The following KCTD8 variants were observed in gnomAD, a reference collection of about 807,000 sequenced individuals.
The protein encoded by KCTD8 is BTB/POZ domain-containing protein KCTD8.
Under a neutral mutation model 31.5 loss-of-function variants are expected in KCTD8, and 27 were observed. The observed-to-expected ratio is 0.86, with a 90% CI of 0.63 to 1.18. The LOEUF (loss-of-function observed/expected upper bound fraction) is 1.18, where lower values mean the gene tolerates loss of function less well. KCTD8 is among the 50% of genes most tolerant of loss of function. The pLI is 0.00. For synonymous variants in KCTD8, 290 were observed against 280.0 expected, an observed-to-expected ratio of 1.04 and a Z score of -0.36; for missense variants, 658 against 647.7, an observed-to-expected ratio of 1.02 and a Z score of -0.17.
chr4:44,363,097 G>T (rs920911961), intron 1 of KCTD8, among the ~76,000 whole-genome samples: 1 of 151,998 alleles, frequency 6.6e-6, no homozygotes, highest in African/African-American at 2.4e-5. Context: ...TAACCAAGGA[G>T]CTGGAGGAAT....
intron 1 of KCTD8, among the ~76,000 whole-genome samples, chr4:44,304,471 C>A (rs1717741078): frequency 6.6e-6 from 1 of 152,134 alleles, no homozygotes. Context: ...ACTTACTACG[C>A]CCCTGAATGT....
intron 1 of KCTD8, among the ~76,000 whole-genome samples, chr4:44,275,959 C>A (rs1716737701): frequency 6.6e-6 from 1 of 151,948 alleles, no homozygotes; most frequent in Admixed American, 6.6e-5. Context: ...TAGTAAAGGT[C>A]TGTATTAAAA....
At chr4:44,318,834 C>T (rs1028337320) in intron 1 of KCTD8, among the ~76,000 whole-genome samples, 9 of 151,974 alleles carry the variant, frequency 5.9e-5, no homozygotes, top group Admixed American at 5.2e-4. Context: ...GAAGAGAATA[C>T]ATCAAATTTA....
At chr4:44,426,570 T>C (rs1191686254) in intron 1 of KCTD8, among the ~76,000 whole-genome samples, 1 of 151,800 alleles carries the variant, frequency 6.6e-6, no homozygotes, top group African/African-American at 2.4e-5. Context: ...AACAATATTA[T>C]GAGTACCCAT....
intron 1 of KCTD8, among the ~76,000 whole-genome samples, chr4:44,313,563 T>C (rs1285451311): frequency 6.6e-6 from 1 of 152,230 alleles, no homozygotes; most frequent in Non-Finnish European, 1.5e-5. Flanking sequence ...GTAGATTTGT[T>C]AAGTGCTTCA....
chr4:44,223,053 C>A (rs2109348900), intron 1 of KCTD8, among the ~76,000 whole-genome samples: 1 of 151,940 alleles, frequency 6.6e-6, no homozygotes, highest in South Asian at 2.1e-4. Context: ...GCAAGAAGGG[C>A]AATATTGGAA....
chr4:44,423,908 T>C (rs559796406), intron 1 of KCTD8, among the ~76,000 whole-genome samples: 18 of 152,242 alleles, frequency 1.2e-4, no homozygotes, highest in Non-Finnish European at 2.2e-4. Context: ...CTTGATTCTA[T>C]AGTAAAGCTC....
Position 44,333,718 on chromosome 4 carries a change from G to GT in KCTD8, c.961+113844dup, listed in dbSNP as rs549731013. Among the ~76,000 whole-genome samples the GT allele has an allele frequency of 5.4e-3, 815 of 152,212 alleles. 12 individuals carry two copies. The highest frequency in any genetic ancestry group is 0.018 in the African/African-American group (758 of 41,568). On this transcript the variant is annotated intron_variant, in intron 1 of 1. Transcript: ENST00000360029. ...GGAGCTGAGCTAAGAATGTGATGTT[G>GT]TATTGAGGTGAATGAGAGGCATGAT...
chr4:44,228,705 T>C (rs1322323031), intron 1 of KCTD8, among the ~76,000 whole-genome samples: 2 of 152,204 alleles, frequency 1.3e-5, no homozygotes, highest in African/African-American at 4.8e-5. Context: ...TATTCCTCTA[T>C]CACAGTTTAG....
In KCTD8 at chr4:44,343,505, A is replaced by G. The variant is rs533129911; in HGVS notation, c.961+104058T>C. ...CAGAAATATTGAGAAAATAACCAAA[A>G]TGTGACTCAGAGACATGAAGTGAGC... is the stretch of plus-strand genomic sequence containing the variant. On this transcript the variant is annotated intron_variant, in intron 1 of 1. Transcript: ENST00000360029. Among the ~76,000 whole-genome samples the G allele has an allele frequency of 3.6e-4, 55 of 152,294 alleles. No homozygotes were observed. The Middle Eastern group carries it at 0.014, about 38-fold the overall frequency.
At chr4:44,358,539 C>T (rs1296701833) in intron 1 of KCTD8, among the ~76,000 whole-genome samples, 1 of 151,738 alleles carries the variant, frequency 6.6e-6, no homozygotes, top group African/African-American at 2.4e-5. Flanking sequence ...TATTTCTCCA[C>T]ATCCTCTCCA....
chr4:44,363,810 G>T (rs1348182412), intron 1 of KCTD8, among the ~76,000 whole-genome samples: 1 of 151,984 alleles, frequency 6.6e-6, no homozygotes, highest in Non-Finnish European at 1.5e-5. Context: ...GTAACATGGG[G>T]GTTGGTTGAA....
At chr4:44,412,228 T>C (rs2109464658) in intron 1 of KCTD8, among the ~76,000 whole-genome samples, 1 of 152,274 alleles carries the variant, frequency 6.6e-6, no homozygotes, top group South Asian at 2.1e-4. Context: ...TGAAACTCAA[T>C]TATATCAGCT....
intron 1 of KCTD8, among the ~76,000 whole-genome samples, chr4:44,244,128 C>CT (rs1425671181): frequency 2.6e-5 from 4 of 152,278 alleles, no homozygotes; most frequent in African/African-American, 9.6e-5. Context: ...TTTTTATTTG[C>CT]TAAACCTGGC....
chr4:44,351,061 T>C (rs1719182332), intron 1 of KCTD8, among the ~76,000 whole-genome samples: 1 of 152,196 alleles, frequency 6.6e-6, no homozygotes, highest in Non-Finnish European at 1.5e-5. Flanking sequence ...GACCTCCATC[T>C]ATAAAGGAAT....
intron 1 of KCTD8, among the ~76,000 whole-genome samples, chr4:44,323,993 T>A (rs1372885639): frequency 1.3e-5 from 2 of 148,710 alleles, no homozygotes; most frequent in African/African-American, 5.1e-5. Context: ...TGTATACATA[T>A]GTAACTAACC....
In KCTD8 at chr4:44,333,665, G is replaced by T. The variant is rs142446885; in HGVS notation, c.961+113898C>A. Among the ~76,000 whole-genome samples the T allele has an allele frequency of 4.2e-3, 638 of 152,188 alleles. 2 individuals carry two copies. The highest frequency in any genetic ancestry group is 6.4e-3 in the Non-Finnish European group (435 of 67,978). On this transcript the variant is annotated intron_variant, in intron 1 of 1. Coordinates refer to ENST00000360029, the MANE Select transcript of KCTD8 (RefSeq NM_198353.3). Reference sequence around the variant, plus strand: ...CATTTTTATCTGGTAATAGGTAACAGATTAGAAAGTAAAAATAAGATGACC... The same window carrying T: ...CATTTTTATCTGGTAATAGGTAACATATTAGAAAGTAAAAATAAGATGACC...
rs1717328719 is a variant in KCTD8, at chr4:44,293,151, T to C, written c.962-117901A>G. On this transcript the variant is annotated intron_variant, in intron 1 of 1. Coordinates refer to ENST00000360029, the MANE Select transcript of KCTD8 (RefSeq NM_198353.3). The stretch of plus-strand genomic sequence containing the variant: ...GATGGAAATCTTATCTAAGGATTAT[T>C]ATGGAAAGTAACACCTCAATTTTTT... Among the ~76,000 whole-genome samples, 3 of 152,264 alleles carry C rather than the reference T, an allele frequency of 2.0e-5. No homozygotes were observed. In the South Asian group the frequency reaches 6.2e-4, roughly 32 times the overall value.
chr4:44,377,351 G>T (rs551889711), intron 1 of KCTD8, among the ~76,000 whole-genome samples: 3 of 152,124 alleles, frequency 2.0e-5, no homozygotes, highest in Non-Finnish European at 4.4e-5. Flanking sequence ...CGCCCTTTCT[G>T]GGCCATATCT....
Sources: gnomAD v4.1 joint callset for allele counts (sites outside exome capture counted in the v4.1 genomes callset) on GRCh38, gnomAD v4.1.1 for gene constraint, MANE v1.5 for transcripts, NCBI Gene and HGNC (gene_info 2026-07-23, HGNC 2026-07-21) for gene names.